The following ZBTB20 variants were observed in gnomAD, a reference collection of about 807,000 sequenced individuals.
The protein encoded by ZBTB20 is zinc finger and BTB domain containing 20.
ZBTB20 carries 9 observed loss-of-function variants against 56.9 expected under a neutral mutation model. The observed-to-expected ratio is 0.16, with a 90% CI of 0.10 to 0.28. ZBTB20 has a LOEUF of 0.28. Ranked by LOEUF, ZBTB20 falls within the 10% of genes least tolerant of loss-of-function variation. ZBTB20 has a pLI of 1.00. For missense variants in ZBTB20, 655 were observed against 1,003.0 expected, an observed-to-expected ratio of 0.65 and a Z score of 4.69; for synonymous variants, 417 against 420.7, an observed-to-expected ratio of 0.99 and a Z score of 0.11.
chr3:114,599,565 C>T (rs2056599374), intron 6 of ZBTB20, among the ~76,000 whole-genome samples: 1 of 151,928 alleles, frequency 6.6e-6, no homozygotes, highest in Admixed American at 6.6e-5. Context: ...ATTTTCCTAC[C>T]TTTGTTGTTG....
intron 5 of ZBTB20, among the ~76,000 whole-genome samples, chr3:114,797,545 C>T (rs1186380860): frequency 1.5e-4 from 23 of 151,720 alleles, no homozygotes; most frequent in Non-Finnish European, 5.9e-5. Flanking sequence ...AAGAAAGATG[C>T]GATTTTCCCA....
chr3:114,623,867 C>T (rs1053245911), intron 6 of ZBTB20, among the ~76,000 whole-genome samples: 1 of 152,016 alleles, frequency 6.6e-6, no homozygotes. Flanking sequence ...TGACATCCAT[C>T]GGTGGCAGTA....
At chr3:114,695,516 A>G (rs911660428) in intron 5 of ZBTB20, among the ~76,000 whole-genome samples, 11 of 152,166 alleles carry the variant, frequency 7.2e-5, no homozygotes, top group African/African-American at 2.4e-4. Context: ...AGGCAGGGAA[A>G]AAGTTCAAAG....
intron 4 of ZBTB20, among the ~76,000 whole-genome samples, chr3:114,861,252 ATTT>A (rs895669584): frequency 6.6e-6 from 1 of 151,902 alleles, no homozygotes; most frequent in Non-Finnish European, 1.5e-5. Context: ...CATAGTATTT[ATTT>A]TTTTCCGGAA....
At position 114,318,286 on chromosome 3, in the gene ZBTB20, G is replaced by C. The variant is rs2078764199; in HGVS notation, c.*20719C>G. ...GTGGTCTCTTGCCCCACCTTCCTGA[G>C]GGCTGGGGGGCCTTCACACCACCCA... On this transcript the variant is annotated 3_prime_UTR_variant, in exon 12 of 12. Coordinates refer to ENST00000675478, the MANE Select transcript of ZBTB20 (RefSeq NM_001348800.3). 6.6e-6 allele frequency: 1 copy of C among 152,232 alleles called. No homozygotes were observed. 9.4% of individuals were successfully genotyped at this position (152,232 alleles called of 1,614,324 possible). A position where few individuals can be genotyped will look rare whatever the true frequency, so the allele number is the denominator to read the frequency against.
At chr3:114,980,103 AT>A (rs1228464929) in intron 2 of ZBTB20, among the ~76,000 whole-genome samples, 1 of 151,930 alleles carries the variant, frequency 6.6e-6, no homozygotes, top group Non-Finnish European at 1.5e-5. Context: ...AATACAATCA[AT>A]TTTTTTCTTT....
chr3:114,534,212 A>T (rs1325903966), intron 6 of ZBTB20, among the ~76,000 whole-genome samples: 2 of 152,140 alleles, frequency 1.3e-5, no homozygotes, highest in African/African-American at 4.8e-5. Context: ...TAGAGTCAAG[A>T]CCCATCAGTG....
intron 11 of ZBTB20, among the ~76,000 whole-genome samples, chr3:114,349,878 G>A (rs371655426): frequency 7.2e-5 from 11 of 152,308 alleles, no homozygotes; most frequent in Admixed American, 2.6e-4. Flanking sequence ...TTTCCAAGGC[G>A]ACAAGGTTTA....
At chr3:114,921,720 G>T (rs1242556717) in intron 3 of ZBTB20, among the ~76,000 whole-genome samples, 1 of 122,394 alleles carries the variant, frequency 8.2e-6, no homozygotes, top group Non-Finnish European at 1.7e-5. Context: ...GTTTTGGGGT[G>T]GGGGGAGGGG....
intron 5 of ZBTB20, among the ~76,000 whole-genome samples, chr3:114,753,084 C>A (rs2140345): frequency 0.81 from 122,980 of 151,674 alleles, 51,309 homozygotes; most frequent in East Asian, 0.98. Context: ...TTACTGGTCT[C>A]TTCTCTGGAG....
chr3:114,908,916 T>A (rs1015307449), intron 3 of ZBTB20, among the ~76,000 whole-genome samples: 6 of 151,662 alleles, frequency 4.0e-5, no homozygotes, highest in East Asian at 1.9e-4. Context: ...AGATATTTTT[T>A]AAAAAGATTA....
At chr3:114,639,345 T>C (rs1295239524) in intron 6 of ZBTB20, among the ~76,000 whole-genome samples, 5 of 152,064 alleles carry the variant, frequency 3.3e-5, no homozygotes, top group Non-Finnish European at 7.4e-5. Context: ...GGGAGGACTT[T>C]GGTGGCAGCT....
chr3:114,891,842 T>C (rs1301006257), intron 4 of ZBTB20, among the ~76,000 whole-genome samples: 1 of 151,938 alleles, frequency 6.6e-6, no homozygotes, highest in Non-Finnish European at 1.5e-5. Flanking sequence ...AGCTCAGGAG[T>C]TTGAGACCAG....
At chr3:114,470,324 G>A (rs1442123422) in intron 7 of ZBTB20, among the ~76,000 whole-genome samples, 2 of 152,066 alleles carry the variant, frequency 1.3e-5, no homozygotes, top group East Asian at 1.9e-4. Flanking sequence ...TATTTAACCT[G>A]CCTATCTGAA....
At chr3:114,788,814 T>C (rs554243299) in intron 5 of ZBTB20, among the ~76,000 whole-genome samples, 118 of 152,302 alleles carry the variant, frequency 7.7e-4, no homozygotes, top group Non-Finnish European at 1.4e-3. Flanking sequence ...CAGTTCCACA[T>C]GGCTGGTGAG....
chr3:114,839,406 T>TGAAAGAAAGAAA (rs748321783), intron 4 of ZBTB20, among the ~76,000 whole-genome samples: 10,075 of 72,652 alleles, frequency 0.14, 1,028 homozygotes, highest in East Asian at 0.2. Flanking sequence ...AGAGCCTGTC[T>TGAAAGAAAGAAA]GAAAGAAAGA....
At chr3:115,111,408 T>C (rs543023329) in intron 1 of ZBTB20, among the ~76,000 whole-genome samples, 1 of 152,286 alleles carries the variant, frequency 6.6e-6, no homozygotes, top group East Asian at 1.9e-4. Flanking sequence ...CCTCTTATGA[T>C]GTTTTATCTG....
chr3:114,514,222 G>T (rs1336831205), intron 6 of ZBTB20, among the ~76,000 whole-genome samples: 1 of 152,126 alleles, frequency 6.6e-6, no homozygotes, highest in Non-Finnish European at 1.5e-5. Context: ...CTTATTTAGA[G>T]TTGTTTATTG....
chr3:114,422,151 G>T (rs557667869), intron 7 of ZBTB20, among the ~76,000 whole-genome samples: 3 of 152,242 alleles, frequency 2.0e-5, no homozygotes, highest in African/African-American at 7.2e-5. Context: ...AAAATGAAGA[G>T]AAATGAAAGA....
Sources: allele counts gnomAD v4.1 joint callset (sites outside exome capture counted in the v4.1 genomes callset), GRCh38; gene constraint gnomAD v4.1.1; transcripts MANE v1.5; gene names NCBI Gene and HGNC (gene_info 2026-07-23, HGNC 2026-07-21).